Variants in ATP5MC1 observed in about 807,000 individuals in gnomAD.
ATP5MC1 encodes ATP synthase F(0) complex subunit C1, mitochondrial.
Under a neutral mutation model 12.1 loss-of-function variants are expected in ATP5MC1, and 4 were observed. The observed-to-expected ratio is 0.33, with a 90% CI of 0.16 to 0.76. The LOEUF is 0.76. Among genes scored for constraint, ATP5MC1 ranks in the 30% least tolerant of loss-of-function variants. The probability of loss-of-function intolerance (pLI) is 0.61; values close to 1 mark genes in which losing one functional copy is unlikely to be tolerated. For missense variants in ATP5MC1, 117 were observed against 172.1 expected (o/e 0.68, Z 1.79); for synonymous variants, 52 against 66.0 (o/e 0.79, Z 1.03).
At chr17:48,895,622 C>T in intron 4 of ATP5MC1, 33 bp from the exon 5 acceptor site, 2 of 1,587,812 alleles carry the variant, frequency 1.3e-6, no homozygotes, top group Non-Finnish European at 1.7e-6. Context: ...CCCTTCCTCT[C>T]CCTCAACTGG....
intron 1 of ATP5MC1, 27 bp from the exon 2 acceptor site, chr17:48,893,382 T>C (rs1449527290): frequency 6.2e-7 from 1 of 1,612,526 alleles, no homozygotes; most frequent in South Asian, 1.1e-5. Context: ...AGTGGGATTA[T>C]TATTACTATT....
intron 3 of ATP5MC1, 25 bp downstream of exon 3, chr17:48,894,474 G>T: frequency 6.2e-7 from 1 of 1,607,790 alleles, no homozygotes; most frequent in Non-Finnish European, 8.5e-7. Flanking sequence ...GCTCTCTTAG[G>T]AATGTTCCCA....
chr17:48,895,744 C>A lies in ATP5MC1; in HGVS notation c.386C>A (p.Ala129Asp). The A allele has an allele frequency of 8.1e-6, 13 of 1,606,584 alleles. No homozygotes were observed. The highest frequency in any genetic ancestry group is 1.1e-5 in the Non-Finnish European group (13 of 1,178,540). Residue 129 changes from alanine (A) to aspartate (D), a missense_variant, in exon 5 of 5, where the codon GCC becomes GAC. By Grantham distance (126) the Ala-to-Asp change is moderately radical. Transcript: ENST00000393366. ...ATGGGGCTTTTCTGTTTGATGGTCG[C>A]CTTCCTCATCCTCTTCGCCATGTGA... The part of the protein sequence containing the change: ...EAMGLFCLMV[A>D]FLILFAM
In ATP5MC1 at chr17:48,895,857, C is replaced by A; in HGVS notation, c.*88C>A. On this transcript the variant is annotated 3_prime_UTR_variant, in exon 5 of 5. Transcript: ENST00000393366. ...GTGTGTTAAGCTTTACCATTAAACA[C>A]AACGTTTCTCTAAACCCCTGTCTGT... 2 of 1,279,026 alleles carry A rather than the reference C, an allele frequency of 1.6e-6. No homozygotes were observed. The highest frequency in any genetic ancestry group is 2.3e-6 in the Non-Finnish European group (2 of 887,330). 79.2% of individuals were successfully genotyped at this position (1,279,026 alleles called of 1,614,324 possible). A position where few individuals can be genotyped will look rare whatever the true frequency, so the allele number is the denominator to read the frequency against.
At chr17:48,894,532 C>A in intron 3 of ATP5MC1, 83 bp downstream of exon 3, 2 of 1,404,168 alleles carry the variant, frequency 1.4e-6, no homozygotes, top group South Asian at 1.2e-5. Context: ...CTTTGAGAGG[C>A]TGAGGCGAGA....
At chr17:48,893,268 C>A in intron 1 of ATP5MC1, 141 bp from the exon 2 acceptor site, 1 of 792,756 alleles carries the variant, frequency 1.3e-6, no homozygotes, top group Non-Finnish European at 2.0e-6. Flanking sequence ...CTAATGCCCT[C>A]CTCAGCTGGG....
At chr17:48,893,132 G>T in intron 1 of ATP5MC1, 1 of 458,890 alleles carries the variant, frequency 2.2e-6, no homozygotes, top group Non-Finnish European at 3.9e-6. Flanking sequence ...CCCAGTATCC[G>T]CCTCCAGTCT....
chr17:48,894,390 G>T lies in ATP5MC1; in HGVS notation c.58G>T (p.Gly20Cys), dbSNP rs2040554287. ...TTTACAGATCCGCTGTTGTACCAGGGGTCTAATCAGGCCTGTGTCTGCCTC... is the reference window on the plus strand; with the variant it reads ...TTTACAGATCCGCTGTTGTACCAGGTGTCTAATCAGGCCTGTGTCTGCCTC... ...SPALIRCCTR[G>C]LIRPVSASFL... is the part of the protein sequence containing the mutation. The change falls in exon 3 of 5, where the codon GGT becomes TGT. Residue 20 changes from glycine to cysteine, a missense_variant. Transcript: ENST00000393366. 2.5e-6 allele frequency: 4 copies of T among 1,613,892 alleles called. No homozygotes were observed. The highest frequency in any genetic ancestry group is 3.4e-6 in the Non-Finnish European group (4 of 1,180,000).
rs564082887 is a variant in ATP5MC1, at chr17:48,895,036, C to T, written c.118-120C>T. 1.1e-3 allele frequency: 1,215 copies of T among 1,134,152 alleles called. 3 individuals carry two copies. Among genetic ancestry groups the T allele is most frequent in the Non-Finnish European group, 1.4e-3 (1,105 of 779,786 alleles). The allele number at this position is 1,134,152 out of a possible 1,614,324, so 70.3% of individuals were successfully genotyped here. A position where few individuals can be genotyped will look rare whatever the true frequency, so the allele number is the denominator to read the frequency against. Reference sequence around the variant, plus strand: ...TGCAATCAGAGTATTCTGCATTTACCAGGCAGTTTGCCAACAGTTTCAGAG... The same window carrying T: ...TGCAATCAGAGTATTCTGCATTTACTAGGCAGTTTGCCAACAGTTTCAGAG... On this transcript the variant is annotated intron_variant, in intron 3 of 4. Coordinates refer to ENST00000393366, the MANE Select transcript of ATP5MC1 (RefSeq NM_005175.3).
chr17:48,893,567 T>A, intron 2 of ATP5MC1, 111 bp downstream of exon 2: 1 of 1,245,400 alleles, frequency 8.0e-7, no homozygotes, highest in Non-Finnish European at 1.2e-6. Flanking sequence ...GTAGGCTCTT[T>A]GAGGTGGCTG....
intron 3 of ATP5MC1, chr17:48,894,853 A>G (rs1474229342): frequency 1.8e-6 from 1 of 561,642 alleles, no homozygotes; most frequent in Non-Finnish European, 3.4e-6. Flanking sequence ...AAGTGGGAGG[A>G]GAGTTGGAGA....
At chr17:48,894,322 AT>A (rs534058266) in intron 2 of ATP5MC1, 49 bp from the exon 3 acceptor site, 188 of 1,572,850 alleles carry the variant, frequency 1.2e-4, no homozygotes, top group Middle Eastern at 3.3e-4. Flanking sequence ...AGCAATTAGG[AT>A]TTTTTTTCCT....
chr17:48,895,364 ACTGTAAATTCCACC>A, intron 4 of ATP5MC1, 30 bp downstream of exon 4: 1 of 1,556,558 alleles, frequency 6.4e-7, no homozygotes, highest in Non-Finnish European at 8.7e-7. Flanking sequence ...AGCATCTCCC[ACTGTAAATTCCACC>A]CCGTTTGGGG....
intron 3 of ATP5MC1, chr17:48,894,787 TA>T: frequency 1.9e-6 from 1 of 519,564 alleles, no homozygotes. Context: ...TAATTTTTTT[TA>T]AATCAAGGAA....
At chr17:48,893,531 C>A in intron 2 of ATP5MC1, 75 bp downstream of exon 2, 1 of 1,554,604 alleles carries the variant, frequency 6.4e-7, no homozygotes, top group Non-Finnish European at 8.8e-7. Flanking sequence ...ATGAATGAAC[C>A]CAGGGGAGCT....
Position 48,893,502 on chromosome 17 carries a change from T to C in ATP5MC1, c.39+46T>C, listed in dbSNP as rs992643051. On this transcript the variant is annotated intron_variant, in intron 2 of 4. Transcript: ENST00000393366. ...GCTCTGTAGTACCAGGTGTATGGTG[T>C]GGACGCCATCAGTGTTTAATGAATG... 7 of 1,607,096 alleles carry C rather than the reference T, an allele frequency of 4.4e-6. No individual in the cohort carries two copies. In the South Asian group the frequency reaches 7.7e-5, roughly 18 times the overall value.
chr17:48,894,792 C>A, intron 3 of ATP5MC1: 1 of 522,004 alleles, frequency 1.9e-6, no homozygotes, highest in South Asian at 1.6e-5. Flanking sequence ...TTTTTTAAAT[C>A]AAGGAATGTT....
rs2040568603 is a variant in ATP5MC1 at position 48,895,859 on chromosome 17, A to G, written c.*90A>G. 1.5e-5 allele frequency: 19 copies of G among 1,263,784 alleles called. No individual in the cohort carries two copies. In the South Asian group the frequency reaches 1.9e-4, roughly 13 times the overall value. The allele number at this position is 1,263,784 out of a possible 1,614,324, so 78.3% of individuals were successfully genotyped here. A position where few individuals can be genotyped will look rare whatever the true frequency, so the allele number is the denominator to read the frequency against. On this transcript the variant is annotated 3_prime_UTR_variant, in exon 5 of 5. Coordinates refer to ENST00000393366, the MANE Select transcript of ATP5MC1 (RefSeq NM_005175.3). ...GTGTTAAGCTTTACCATTAAACACA[A>G]CGTTTCTCTAAACCCCTGTCTGTGC...
chr17:48,895,280 G>T lies in ATP5MC1; in HGVS notation c.242G>T (p.Gly81Val). ...GAGAATVGVA[G>V]SGAGIGTVFG... is the part of the protein sequence containing the mutation. ...GGGGCAGCCACAGTTGGTGTGGCTGGTTCAGGGGCTGGCATTGGAACCGTG... is the reference window on the plus strand; with the variant it reads ...GGGGCAGCCACAGTTGGTGTGGCTGTTTCAGGGGCTGGCATTGGAACCGTG... The change falls in exon 4 of 5, where the codon GGT becomes GTT. Residue 81 changes from glycine (G) to valine (V), a missense_variant. Physicochemically the swap from Gly to Val is moderately radical, Grantham distance 109. Coordinates refer to ENST00000393366, the MANE Select transcript of ATP5MC1 (RefSeq NM_005175.3). 6.2e-7 allele frequency: 1 copy of T among 1,607,292 alleles called. No homozygotes were observed. Among genetic ancestry groups the T allele is most frequent in the Non-Finnish European group, 8.5e-7 (1 of 1,174,648 alleles).
Sources: allele counts gnomAD v4.1 joint callset, GRCh38; gene constraint gnomAD v4.1.1; transcripts MANE v1.5; gene names NCBI Gene and HGNC (gene_info 2026-07-23, HGNC 2026-07-21).